The following PDE4B variants were observed in gnomAD, a reference collection of about 807,000 sequenced individuals.
The protein encoded by PDE4B is phosphodiesterase 4B.
Under a neutral mutation model 82.2 loss-of-function variants are expected in PDE4B, and 20 were observed. The observed-to-expected ratio is 0.24, with a 90% CI of 0.17 to 0.35. The LOEUF (loss-of-function observed/expected upper bound fraction) is 0.35. Ranked by LOEUF, PDE4B falls within the 10% of genes least tolerant of loss-of-function variation. PDE4B has a pLI of 1.00. For synonymous variants in PDE4B, 320 were observed against 318.9 expected (o/e 1.00, Z -0.04); for missense variants, 655 against 907.2 (o/e 0.72, Z 3.57).
chr1:66,350,114 T>TAA (rs1661709655), intron 8 of PDE4B, among the ~76,000 whole-genome samples: 1 of 152,018 alleles, frequency 6.6e-6, no homozygotes, highest in Non-Finnish European at 1.5e-5. Flanking sequence ...AGGCATTCTG[T>TAA]GCCTTCAGGA....
intron 3 of PDE4B, among the ~76,000 whole-genome samples, chr1:65,939,073 G>A (rs889140215): frequency 3.3e-5 from 5 of 152,124 alleles, no homozygotes; most frequent in Non-Finnish European, 5.9e-5. Context: ...GCCAGACACT[G>A]TTCCAGGTGT....
chr1:66,185,990 C>T (rs570215548), intron 3 of PDE4B, among the ~76,000 whole-genome samples: 1 of 151,954 alleles, frequency 6.6e-6, no homozygotes, highest in Non-Finnish European at 1.5e-5. Flanking sequence ...AAGTCTTTAA[C>T]CCATCTTGAA....
intron 6 of PDE4B, among the ~76,000 whole-genome samples, chr1:66,260,973 T>C (rs545608771): frequency 6.6e-6 from 1 of 152,298 alleles, no homozygotes; most frequent in South Asian, 2.1e-4. Flanking sequence ...ATGATCTTTC[T>C]CAAATTCATA....
chr1:66,174,730 A>G (rs1646900024), intron 3 of PDE4B, among the ~76,000 whole-genome samples: 1 of 150,206 alleles, frequency 6.7e-6, no homozygotes, highest in African/African-American at 2.5e-5. Flanking sequence ...CCTGTGTGAC[A>G]GAGCCAGACT....
At chr1:66,357,783 T>A (rs1290131193) in intron 9 of PDE4B, among the ~76,000 whole-genome samples, 1 of 152,086 alleles carries the variant, frequency 6.6e-6, no homozygotes, top group African/African-American at 2.4e-5. Context: ...AAAAGATGCA[T>A]CAGTTGCCTC....
At chr1:65,916,773 C>A (rs1313485532) in intron 2 of PDE4B, among the ~76,000 whole-genome samples, 2 of 149,960 alleles carry the variant, frequency 1.3e-5, no homozygotes, top group Non-Finnish European at 2.9e-5. Context: ...CACACACATA[C>A]ACACACAACA....
At chr1:66,104,933 C>G (rs1254439118) in intron 3 of PDE4B, among the ~76,000 whole-genome samples, 1 of 148,520 alleles carries the variant, frequency 6.7e-6, no homozygotes, top group Non-Finnish European at 1.5e-5. Context: ...TGCAGAAGCT[C>G]TTTAGTTTAA....
At position 66,015,983 on chromosome 1, in the gene PDE4B, T is replaced by G. The variant is rs531361724; in HGVS notation, c.281+97148T>G. Among the ~76,000 whole-genome samples, 19 of 152,336 alleles carry G rather than the reference T, an allele frequency of 1.2e-4. No individual in the cohort carries two copies. In the South Asian group the frequency reaches 3.9e-3, roughly 32 times the overall value. ...GGGCTAGGCATTGGAGAAATTGAGA[T>G]GCATAAGACAAAATGCTTATGTTTA... On this transcript the variant is annotated intron_variant, in intron 3 of 16. Transcript: ENST00000341517.
chr1:66,242,554 G>C (rs567052713), intron 3 of PDE4B, among the ~76,000 whole-genome samples: 1 of 152,180 alleles, frequency 6.6e-6, no homozygotes, highest in Non-Finnish European at 1.5e-5. Context: ...CTAGGATGTT[G>C]CTTCATGAGT....
At chr1:66,027,021 G>A (rs777386778) in intron 3 of PDE4B, among the ~76,000 whole-genome samples, 2 of 152,152 alleles carry the variant, frequency 1.3e-5, no homozygotes, top group Non-Finnish European at 2.9e-5. Context: ...CTGTGAAAGT[G>A]CATATTCAAA....
intron 3 of PDE4B, among the ~76,000 whole-genome samples, chr1:66,183,080 T>G (rs1243331703): frequency 6.6e-6 from 1 of 152,152 alleles, no homozygotes; most frequent in African/African-American, 2.4e-5. Context: ...AACAGCTTTC[T>G]TTGGAGACAA....
At chr1:65,881,504 G>A (rs1571061790) in intron 1 of PDE4B, among the ~76,000 whole-genome samples, 1 of 152,058 alleles carries the variant, frequency 6.6e-6, no homozygotes, top group African/African-American at 2.4e-5. Context: ...TAATTTTCTG[G>A]AATGCTTACC....
intron 1 of PDE4B, among the ~76,000 whole-genome samples, chr1:65,910,943 TG>T (rs1647083170): frequency 6.6e-6 from 1 of 152,206 alleles, no homozygotes; most frequent in African/African-American, 2.4e-5. Context: ...GCTTTTTTTT[TG>T]TCTTATATAA....
At chr1:65,933,801 A>G (rs769801466) in intron 3 of PDE4B, among the ~76,000 whole-genome samples, 11 of 152,350 alleles carry the variant, frequency 7.2e-5, no homozygotes, top group Non-Finnish European at 1.5e-4. Flanking sequence ...CTTGGTAATG[A>G]TAAATATATA....
chr1:66,351,981 C>T (rs558396370), intron 8 of PDE4B, among the ~76,000 whole-genome samples: 51 of 152,276 alleles, frequency 3.3e-4, no homozygotes, highest in African/African-American at 8.7e-4. Flanking sequence ...TTCCACCCCC[C>T]GCCGTCTGCT....
intron 3 of PDE4B, among the ~76,000 whole-genome samples, chr1:66,163,877 T>G (rs1372213595): frequency 6.6e-6 from 1 of 152,186 alleles, no homozygotes; most frequent in Non-Finnish European, 1.5e-5. Context: ...AGCTGCCTGC[T>G]TAGGTGAGGT....
chr1:66,205,188 C>T (rs1250209479), intron 3 of PDE4B, among the ~76,000 whole-genome samples: 2 of 152,222 alleles, frequency 1.3e-5, no homozygotes, highest in South Asian at 2.1e-4. Flanking sequence ...ATAGCCCACC[C>T]TAGCACAGTC....
chr1:66,021,654 C>G (rs1372871127), intron 3 of PDE4B, among the ~76,000 whole-genome samples: 2 of 152,144 alleles, frequency 1.3e-5, no homozygotes, highest in South Asian at 2.1e-4. Flanking sequence ...GGGCTCTGTT[C>G]TGTTCCATTG....
At chr1:66,056,696 GA>G (rs1655323584) in intron 3 of PDE4B, among the ~76,000 whole-genome samples, 1 of 152,150 alleles carries the variant, frequency 6.6e-6, no homozygotes, top group Non-Finnish European at 1.5e-5. Context: ...TGTGGTTAAA[GA>G]GAGGTGACTA....
Sources: gnomAD v4.1 joint callset for allele counts (sites outside exome capture counted in the v4.1 genomes callset) on GRCh38, gnomAD v4.1.1 for gene constraint, MANE v1.5 for transcripts, NCBI Gene and HGNC (gene_info 2026-07-23, HGNC 2026-07-21) for gene names.